The following CTNNA2 variants were observed in gnomAD, a reference collection of about 807,000 sequenced individuals.
CTNNA2 encodes the protein catenin alpha-2.
A neutral mutation model predicts 101.0 loss-of-function variants in CTNNA2; 42 were observed. The ratio of observed to expected loss-of-function variants is 0.42; its 90% CI spans 0.32 to 0.54. CTNNA2 has a LOEUF of 0.54. Ranked by LOEUF, CTNNA2 falls within the 20% of genes least tolerant of loss-of-function variation. The probability of loss-of-function intolerance (pLI) is 0.14; values close to 1 mark genes in which losing one functional copy is unlikely to be tolerated. For missense variants in CTNNA2, 871 were observed against 1,223.1 expected, an observed-to-expected ratio of 0.71 and a Z score of 4.29; for synonymous variants, 450 against 456.4, an observed-to-expected ratio of 0.99 and a Z score of 0.18.
intron 7 of CTNNA2, among the ~76,000 whole-genome samples, chr2:80,012,274 A>G (rs1488098834): frequency 6.6e-6 from 1 of 152,190 alleles, no homozygotes; most frequent in Non-Finnish European, 1.5e-5. Flanking sequence ...CCTATTCAAA[A>G]GTTCCTTCCA....
At chr2:80,491,322 T>C (rs1330863676) in intron 9 of CTNNA2, among the ~76,000 whole-genome samples, 2 of 152,212 alleles carry the variant, frequency 1.3e-5, no homozygotes, top group Admixed American at 1.3e-4. Flanking sequence ...CCATGGCTGC[T>C]ACTTGCAGAC....
At chr2:80,411,336 C>T (rs146370203) in intron 8 of CTNNA2, among the ~76,000 whole-genome samples, 8 of 152,080 alleles carry the variant, frequency 5.3e-5, no homozygotes, top group East Asian at 1.9e-4. Context: ...TAGTGAGTAT[C>T]GAGCAGGTCT....
intron 1 of CTNNA2, among the ~76,000 whole-genome samples, chr2:79,571,703 T>C (rs1456230889): frequency 6.6e-6 from 1 of 152,212 alleles, no homozygotes; most frequent in Non-Finnish European, 1.5e-5. Flanking sequence ...CAGTCAGAAC[T>C]CATTAACTTG....
In CTNNA2 at chr2:79,867,149, A is replaced by G. The variant is rs114932744; in HGVS notation, c.466-2667A>G. Among the ~76,000 whole-genome samples, 1,004 of 152,252 alleles carry G rather than the reference A, an allele frequency of 6.6e-3. 8 individuals carry two copies. The highest frequency in any genetic ancestry group is 8.6e-3 in the Non-Finnish European group (586 of 68,018). On this transcript the variant is annotated intron_variant, in intron 4 of 18. Coordinates refer to ENST00000402739, the MANE Select transcript of CTNNA2 (RefSeq NM_001282597.3). Reference sequence around the variant, plus strand: ...AACAGTAAATGTTTGAGAGCAAGGTATTTGTTTGGGCCATAGGAGTCACTT... The same window carrying G: ...AACAGTAAATGTTTGAGAGCAAGGTGTTTGTTTGGGCCATAGGAGTCACTT...
chr2:79,799,181 GTTTT>G (rs72397142), intron 3 of CTNNA2, among the ~76,000 whole-genome samples: 2 of 143,690 alleles, frequency 1.4e-5, no homozygotes, highest in East Asian at 2.0e-4. Context: ...CTCAGATCTT[GTTTT>G]TTTTTTTTTA....
rs536856266 is a variant in CTNNA2, at chr2:80,279,238, T to C, written c.1057-113973T>C. Among the ~76,000 whole-genome samples, 26 of 152,190 alleles carry C rather than the reference T, an allele frequency of 1.7e-4. No individual in the cohort carries two copies. The South Asian group carries it at 5.0e-3, about 29-fold the overall frequency. ...AGAGAACTGGAGGAGGTCCTGCAGC[T>C]CTGGCCAGCCCACCTTTCCAGCACT... On this transcript the variant is annotated intron_variant, in intron 7 of 18. Transcript: ENST00000402739.
chr2:79,211,539 G>T (rs1003839085), intron 2 of CTNNA2, among the ~76,000 whole-genome samples: 3 of 152,180 alleles, frequency 2.0e-5, no homozygotes, highest in African/African-American at 7.2e-5. Flanking sequence ...TGGCGGGCAG[G>T]AGTGGAGGTC....
chr2:80,636,263 A>T (rs1420747571), intron 18 of CTNNA2, among the ~76,000 whole-genome samples: 2 of 151,774 alleles, frequency 1.3e-5, no homozygotes, highest in Non-Finnish European at 2.9e-5. Context: ...AGATGCTGAG[A>T]TAAGGTCAGT....
chr2:79,699,166 C>T (rs1486582238), intron 2 of CTNNA2, among the ~76,000 whole-genome samples: 1 of 152,062 alleles, frequency 6.6e-6, no homozygotes, highest in Non-Finnish European at 1.5e-5. Flanking sequence ...AGCTAGTTTT[C>T]ATAAACTTTC....
In CTNNA2 at chr2:80,546,074, C is replaced by G; in HGVS notation, c.1540+11C>G. The G allele has an allele frequency of 6.2e-7, 1 of 1,613,216 alleles. No homozygotes were observed. The highest frequency in any genetic ancestry group is 8.5e-7 in the Non-Finnish European group (1 of 1,179,732). On this transcript the variant is annotated intron_variant, in intron 11 of 18. Transcript: ENST00000402739. ...TCCTCTCTGTCTCAGGTAATCATCA[C>G]AAACAGGTCCCTTACAAGGCAGCTG... is the stretch of plus-strand genomic sequence containing the variant.
intron 1 of CTNNA2, among the ~76,000 whole-genome samples, chr2:79,189,022 A>G (rs1003996375): frequency 6.6e-6 from 1 of 152,226 alleles, no homozygotes; most frequent in Non-Finnish European, 1.5e-5. Context: ...TGTCTGACAC[A>G]TTGCGTATGT....
intron 4 of CTNNA2, among the ~76,000 whole-genome samples, chr2:79,503,428 C>T (rs957477555): frequency 1.3e-5 from 2 of 152,164 alleles, no homozygotes; most frequent in Non-Finnish European, 2.9e-5. Flanking sequence ...ACGTTCTGTA[C>T]TACATTGCTT....
intron 1 of CTNNA2, among the ~76,000 whole-genome samples, chr2:79,531,380 CAT>C (rs1194117322): frequency 4.0e-5 from 6 of 151,726 alleles, no homozygotes. Context: ...GTGTTGAAAA[CAT>C]AGAGACTTTG....
chr2:80,174,149 A>G (rs906546383), intron 7 of CTNNA2, among the ~76,000 whole-genome samples: 1 of 152,216 alleles, frequency 6.6e-6, no homozygotes, highest in African/African-American at 2.4e-5. Context: ...GAGAAATAAA[A>G]AATGTGGAAT....
intron 15 of CTNNA2, among the ~76,000 whole-genome samples, chr2:80,592,780 C>T (rs62151980): frequency 0.029 from 4,346 of 152,148 alleles, 76 homozygotes; most frequent in Non-Finnish European, 0.034. Flanking sequence ...ATAAAAAATA[C>T]GTTGGATTAA....
intron 2 of CTNNA2, among the ~76,000 whole-genome samples, chr2:79,246,354 C>T (rs1674700282): frequency 6.6e-6 from 1 of 152,128 alleles, no homozygotes; most frequent in Non-Finnish European, 1.5e-5. Flanking sequence ...GTTAGTATTG[C>T]TTAATTTTCC....
At chr2:80,526,420 G>A (rs185774855) in intron 9 of CTNNA2, among the ~76,000 whole-genome samples, 481 of 151,768 alleles carry the variant, frequency 3.2e-3, no homozygotes, top group Middle Eastern at 0.02. Context: ...GGCTGGTCTC[G>A]AACTCCTGAC....
intron 7 of CTNNA2, among the ~76,000 whole-genome samples, chr2:79,950,647 C>T (rs1688816598): frequency 6.6e-6 from 1 of 152,092 alleles, no homozygotes; most frequent in East Asian, 1.9e-4. Flanking sequence ...CAGCAGATTG[C>T]CTTTGATTTT....
At chr2:79,432,698 A>C (rs539892024) in intron 4 of CTNNA2, among the ~76,000 whole-genome samples, 4 of 152,304 alleles carry the variant, frequency 2.6e-5, no homozygotes, top group African/African-American at 7.2e-5. Flanking sequence ...TTAGCTTTAG[A>C]GATCTGTGAG....
Sources: gnomAD v4.1 joint callset for allele counts (sites outside exome capture counted in the v4.1 genomes callset) on GRCh38, gnomAD v4.1.1 for gene constraint, MANE v1.5 for transcripts, NCBI Gene and HGNC (gene_info 2026-07-23, HGNC 2026-07-21) for gene names.